PIGT: variants seen among roughly 807,000 people sequenced by gnomAD.
PIGT encodes GPI-anchor transamidase component PIGT.
A neutral mutation model predicts 66.7 loss-of-function variants in PIGT; 57 were observed. The observed-to-expected ratio is 0.86, with a 90% confidence interval of 0.69 to 1.07. The LOEUF is 1.07. Ranked by LOEUF, PIGT falls within the 50% of genes least tolerant of loss-of-function variation. PIGT has a pLI of 0.00. For missense variants in PIGT, 725 were observed against 740.4 expected, an observed-to-expected ratio of 0.98 and a Z score of 0.24; for synonymous variants, 362 against 320.5, an observed-to-expected ratio of 1.13 and a Z score of -1.38.
chr20:45,424,222 T>A lies in PIGT; in HGVS notation c.1241T>A (p.Ile414Asn). ...SKGKENKPSY[I>N]HYQPAQDRLQ... ...TGACCTTGCATGTCTCCAGGTTACATCCACTACCAGCCTGCCCAGGACCGG... is the reference window on the plus strand; with the variant it reads ...TGACCTTGCATGTCTCCAGGTTACAACCACTACCAGCCTGCCCAGGACCGG... Residue 414 changes from isoleucine to asparagine, a missense_variant, in exon 10 of 12, where the codon ATC (isoleucine) becomes AAC (asparagine). Ile to Asn is a moderately radical substitution (Grantham distance 149, BLOSUM62 -3). Transcript: ENST00000279036. The A allele has an allele frequency of 3.7e-6, 6 of 1,614,076 alleles. No homozygotes were observed. Among genetic ancestry groups the A allele is most frequent in the Non-Finnish European group, 4.2e-6 (5 of 1,179,978 alleles).
chr20:45,416,167 C>G lies in PIGT; in HGVS notation c.11C>G (p.Ala4Gly), dbSNP rs780179155. The G allele has an allele frequency of 1.3e-6, 2 of 1,567,632 alleles. No individual in the cohort carries two copies. Among genetic ancestry groups the G allele is most frequent in the South Asian group, 2.3e-5 (2 of 85,872 alleles). Residue 4 changes from alanine to glycine, a missense_variant, in exon 1 of 12, where the codon GCT becomes GGT. Physicochemically the swap from Ala to Gly is moderately conservative, Grantham distance 60. Coordinates refer to ENST00000279036, the MANE Select transcript of PIGT (RefSeq NM_015937.6). MAA[A>G]MPLALLVLLL... ...GAAGTAGCCGCAGGCATGGCGGCGG[C>G]TATGCCGCTTGCTCTGCTCGTCCTG... is the stretch of plus-strand genomic sequence containing the variant.
intron 3 of PIGT, 21 bp downstream of exon 3, chr20:45,419,000 C>T: frequency 1.2e-6 from 2 of 1,613,902 alleles, no homozygotes; most frequent in Non-Finnish European, 1.7e-6. Context: ...CCCTACAGCC[C>T]TTTCCTTCTT....
rs758376295 is a variant in PIGT, at chr20:45,416,328, C to T, written c.172C>T (p.Leu58Phe). ...GTTCCGCACGCGCTGGGATTCGGAG[C>T]TTCAGCGGGAAGGAGGTGAGGGCGC... Reference protein sequence around the residue: ...FQFRTRWDSELQREGVSHYRL... With the variant: ...FQFRTRWDSEFQREGVSHYRL... Residue 58 changes from leucine (L) to phenylalanine (F), a missense_variant, in exon 1 of 12, where the codon CTT becomes TTT. Transcript: ENST00000279036. 6.3e-7 allele frequency: 1 copy of T among 1,589,676 alleles called. No homozygotes were observed. The highest frequency in any genetic ancestry group is 1.7e-5 in the Admixed American group (1 of 57,502).
intron 2 of PIGT, 24 bp downstream of exon 2, chr20:45,416,718 T>C: frequency 6.3e-7 from 1 of 1,591,284 alleles, no homozygotes; most frequent in Middle Eastern, 1.7e-4. Context: ...TTGGGCCCTG[T>C]TGCAGGCCAT....
chr20:45,419,018 C>A, intron 3 of PIGT, 39 bp downstream of exon 3: 1 of 1,613,228 alleles, frequency 6.2e-7, no homozygotes, highest in Admixed American at 1.7e-5. Context: ...CTTCCTCTTA[C>A]CTCCTGCCCA....
At chr20:45,423,723 G>A (rs1276318343) in intron 9 of PIGT, 1 of 123,854 alleles carries the variant, frequency 8.1e-6, no homozygotes, top group African/African-American at 3.1e-5. Flanking sequence ...TTTTTTTAAT[G>A]TCATTTATTT....
At chr20:45,420,456 A>G (rs989707039) in intron 7 of PIGT, 27 bp downstream of exon 7, 16 of 1,610,770 alleles carry the variant, frequency 9.9e-6, no homozygotes, top group Non-Finnish European at 1.4e-5. Context: ...CCACACACAC[A>G]AACACACCGC....
rs758480164 is a variant in PIGT, at chr20:45,419,382, C to T, written c.581C>T (p.Pro194Leu). Residue 194 changes from proline to leucine, a missense_variant, in exon 4 of 12, where the codon CCC becomes CTC. This residue lies in a region of PIGT where 559 missense variants were observed against 552.7 expected (regional missense o/e 1.01). Coordinates refer to ENST00000279036, the MANE Select transcript of PIGT (RefSeq NM_015937.6). ...ENLTPWKKLL[P>L]CSSKAGLSVL... Reference sequence around the variant, plus strand: ...CTCACCCCCTGGAAGAAGCTCTTGCCCTGTAGTTCCAAGGTGAGGCCGCAG... The same window carrying T: ...CTCACCCCCTGGAAGAAGCTCTTGCTCTGTAGTTCCAAGGTGAGGCCGCAG... 44 of 1,613,468 alleles carry T rather than the reference C, an allele frequency of 2.7e-5. No individual in the cohort carries two copies. In the East Asian group the frequency reaches 9.6e-4, roughly 35 times the overall value.
chr20:45,424,079 C>T (rs1990557604), intron 9 of PIGT, 137 bp from the exon 10 acceptor site: 1 of 713,526 alleles, frequency 1.4e-6, no homozygotes, highest in South Asian at 1.7e-5. Flanking sequence ...GCTTTCTTCC[C>T]TTGCCTGCCT....
chr20:45,423,012 G>C (rs900064075), intron 9 of PIGT: 3 of 147,898 alleles, frequency 2.0e-5, no homozygotes, highest in Admixed American at 2.0e-4. Flanking sequence ...TTCGAAACCA[G>C]CCTGGACAAC....
chr20:45,423,632 C>T lies in PIGT; in HGVS notation c.1235-584C>T, dbSNP rs1990521808. On this transcript the variant is annotated intron_variant, in intron 9 of 11. Transcript: ENST00000279036. ...CTCCCTGTCTCCACACCCAGAATGT[C>T]CCTTATTATAAATGTCTTGTCTTTG... 6 of 152,386 alleles carry T rather than the reference C, an allele frequency of 3.9e-5. No homozygotes were observed. In the South Asian group the frequency reaches 1.2e-3, roughly 32 times the overall value. The allele number at this position is 152,386 out of a possible 1,614,324, so 9.4% of individuals were successfully genotyped here. A position where few individuals can be genotyped will look rare whatever the true frequency, so the allele number is the denominator to read the frequency against.
intron 5 of PIGT, 63 bp from the exon 6 acceptor site, chr20:45,420,073 T>C: frequency 8.3e-7 from 1 of 1,203,876 alleles, no homozygotes; most frequent in Non-Finnish European, 1.2e-6. Context: ...AGTAGGAGTC[T>C]TTTTGGGGGC....
Position 45,426,033 on chromosome 20 carries a change from C to A in PIGT, c.*207C>A. The A allele has an allele frequency of 1.6e-6, 1 of 621,082 alleles. No individual in the cohort carries two copies. Among genetic ancestry groups the A allele is most frequent in the Admixed American group, 3.0e-5 (1 of 33,556 alleles). 38.5% of individuals were successfully genotyped at this position (621,082 alleles called of 1,614,324 possible). A position where few individuals can be genotyped will look rare whatever the true frequency, so the allele number is the denominator to read the frequency against. Reference sequence around the variant, plus strand: ...GAATTAACTTAGAAATTCATTTCCTCACCTGTAGTGGCCACCTCTATATTG... The same window carrying A: ...GAATTAACTTAGAAATTCATTTCCTAACCTGTAGTGGCCACCTCTATATTG... On this transcript the variant is annotated 3_prime_UTR_variant, in exon 12 of 12. Coordinates refer to ENST00000279036, the MANE Select transcript of PIGT (RefSeq NM_015937.6).
intron 1 of PIGT, 43 bp downstream of exon 1, chr20:45,416,386 C>G: frequency 1.3e-6 from 2 of 1,553,102 alleles, no homozygotes. Flanking sequence ...TCCGTAGTGC[C>G]TGCTGGCTGG....
intron 9 of PIGT, chr20:45,422,371 ATCT>A (rs1329280944): frequency 6.6e-6 from 1 of 151,760 alleles, no homozygotes; most frequent in Non-Finnish European, 1.5e-5. Flanking sequence ...ATTCTTTTAA[ATCT>A]TCTCCTTTGG....
chr20:45,420,303 C>G, intron 6 of PIGT, 29 bp from the exon 7 acceptor site: 2 of 1,599,174 alleles, frequency 1.3e-6, no homozygotes, highest in Non-Finnish European at 1.7e-6. Context: ...AGGCCTGGCC[C>G]CTGCTCAGCC....
At chr20:45,421,643 C>T (rs1192214061) in intron 9 of PIGT, 60 bp downstream of exon 9, 8 of 1,389,970 alleles carry the variant, frequency 5.8e-6, no homozygotes, top group Non-Finnish European at 7.1e-6. Flanking sequence ...TCTCCAGGTC[C>T]CCCAAACTCT....
chr20:45,424,749 A>G, intron 11 of PIGT, 170 bp downstream of exon 11: 1 of 605,902 alleles, frequency 1.7e-6, no homozygotes, highest in Non-Finnish European at 2.9e-6. Flanking sequence ...GAATTTGTGA[A>G]GACTTTATAA....
At position 45,425,630 on chromosome 20, in the gene PIGT, T is replaced by C. The variant is rs760292836; in HGVS notation, c.1541T>C (p.Leu514Pro). 1.2e-6 allele frequency: 2 copies of C among 1,614,110 alleles called. No homozygotes were observed. Among genetic ancestry groups the C allele is most frequent in the Non-Finnish European group, 8.5e-7 (1 of 1,180,004 alleles). The change falls in exon 12 of 12, where the codon CTG (leucine) becomes CCG (proline). Residue 514 changes from leucine to proline, a missense_variant. Transcript: ENST00000279036. ...YFVRLYTEPL[L>P]VNLPTPDFSM... ...GTGCGGCTCTACACGGAGCCGCTGCTGGTGAACCTGCCGACACCGGACTTC... is the reference window on the plus strand; with the variant it reads ...GTGCGGCTCTACACGGAGCCGCTGCCGGTGAACCTGCCGACACCGGACTTC...
Sources: allele counts gnomAD v4.1 joint callset, GRCh38; gene constraint gnomAD v4.1.1; regional missense constraint gnomAD v4.1.1; transcripts MANE v1.5; gene names NCBI Gene and HGNC (gene_info 2026-07-23, HGNC 2026-07-21).